The following PTPRG variants were observed in gnomAD, a reference collection of about 807,000 sequenced individuals.
PTPRG encodes the protein protein tyrosine phosphatase receptor type G.
PTPRG carries 102 observed loss-of-function variants against 165.3 expected under a neutral mutation model. That is an observed-to-expected ratio of 0.62 (90% confidence interval 0.53 to 0.73). The LOEUF is 0.73. Among genes scored for constraint, PTPRG ranks in the 30% least tolerant of loss-of-function variants. The pLI is 0.00. For synonymous variants in PTPRG, 675 were observed against 669.5 expected (o/e 1.01, Z -0.13); for missense variants, 1,866 against 1,861.4 (o/e 1.00, Z -0.05).
At chr3:62,020,845 G>T (rs1050934061) in intron 4 of PTPRG, among the ~76,000 whole-genome samples, 15 of 145,614 alleles carry the variant, frequency 1.0e-4, no homozygotes, top group South Asian at 8.7e-4. Context: ...GGTTTTTTTT[G>T]TTTTTTTTTT....
intron 2 of PTPRG, among the ~76,000 whole-genome samples, chr3:61,874,563 G>A (rs1000266761): frequency 1.3e-5 from 2 of 150,548 alleles, no homozygotes; most frequent in East Asian, 2.0e-4. Context: ...CTTTAAATTC[G>A]TAGAAATTGA....
intron 27 of PTPRG, among the ~76,000 whole-genome samples, chr3:62,282,394 T>A (rs1171628441): frequency 6.6e-6 from 1 of 151,738 alleles, no homozygotes; most frequent in Non-Finnish European, 1.5e-5. Context: ...AGTTAATTTT[T>A]TTTTTTTTTT....
chr3:62,238,897 G>T (rs576816861), intron 14 of PTPRG, among the ~76,000 whole-genome samples: 5 of 152,256 alleles, frequency 3.3e-5, no homozygotes, highest in Admixed American at 3.3e-4. Flanking sequence ...ACAATAGGGG[G>T]AAGTAGAAGA....
chr3:62,049,693 A>G (rs9819043), intron 4 of PTPRG, among the ~76,000 whole-genome samples: 72,838 of 152,018 alleles, frequency 0.48, 18,332 homozygotes, highest in Non-Finnish European at 0.55. Flanking sequence ...AAACTTAGAC[A>G]TGTATAATAT....
intron 5 of PTPRG, chr3:62,124,752 G>A: frequency 2.0e-6 from 1 of 499,220 alleles, no homozygotes; most frequent in Non-Finnish European, 3.6e-6. Context: ...CTTTTCTAGA[G>A]ATGTTGTGTT....
intron 1 of PTPRG, among the ~76,000 whole-genome samples, chr3:61,613,274 T>A (rs1188033121): frequency 2.0e-5 from 3 of 152,208 alleles, no homozygotes; most frequent in Non-Finnish European, 4.4e-5. Flanking sequence ...ATGTTTTTTT[T>A]AAAGGCATAG....
intron 10 of PTPRG, among the ~76,000 whole-genome samples, chr3:62,200,055 T>C (rs905409953): frequency 6.6e-5 from 10 of 152,112 alleles, no homozygotes; most frequent in Middle Eastern, 3.2e-3. Context: ...GCAGTCAGAT[T>C]CATAGAGAAA....
chr3:61,643,529 C>G (rs1702120573), intron 1 of PTPRG, among the ~76,000 whole-genome samples: 1 of 152,094 alleles, frequency 6.6e-6, no homozygotes, highest in African/African-American at 2.4e-5. Flanking sequence ...CCTGTAATGC[C>G]AGCACTTTGG....
intron 2 of PTPRG, among the ~76,000 whole-genome samples, chr3:61,931,173 G>T (rs773084358): frequency 2.0e-5 from 3 of 152,166 alleles, no homozygotes; most frequent in Non-Finnish European, 2.9e-5. Context: ...TGCTTCTGCA[G>T]CACTCACTGC....
At chr3:62,186,567 C>CTTTTTTTTTTTTTTTTTTTTTTTTT (rs35133425) in intron 8 of PTPRG, among the ~76,000 whole-genome samples, 2 of 117,542 alleles carry the variant, frequency 1.7e-5, no homozygotes, top group African/African-American at 7.0e-5. Flanking sequence ...TTTTCTTTTC[C>CTTTTTTTTTTTTTTTTTTTTTTTTT]TTTTTTTTTT....
At chr3:61,854,548 A>G (rs1007522104) in intron 2 of PTPRG, among the ~76,000 whole-genome samples, 3 of 152,190 alleles carry the variant, frequency 2.0e-5, no homozygotes, top group African/African-American at 4.8e-5. Flanking sequence ...GGACATATGA[A>G]TACATGCTTT....
intron 2 of PTPRG, among the ~76,000 whole-genome samples, chr3:61,768,083 A>T (rs1167216622): frequency 6.6e-6 from 1 of 152,174 alleles, no homozygotes; most frequent in Non-Finnish European, 1.5e-5. Flanking sequence ...AGATATATTA[A>T]TTGATTTTAG....
intron 1 of PTPRG, among the ~76,000 whole-genome samples, chr3:61,625,346 G>C (rs1355473251): frequency 1.3e-5 from 2 of 152,004 alleles, no homozygotes; most frequent in Admixed American, 1.3e-4. Flanking sequence ...ACTTCTTCAT[G>C]AAAAATTGCT....
intron 1 of PTPRG, among the ~76,000 whole-genome samples, chr3:61,684,584 G>T (rs910630125): frequency 6.6e-6 from 1 of 152,132 alleles, no homozygotes; most frequent in Admixed American, 6.5e-5. Context: ...TTGTTACTGT[G>T]GGAAGTCGGG....
intron 1 of PTPRG, among the ~76,000 whole-genome samples, chr3:61,707,791 T>G (rs1044276382): frequency 2.6e-5 from 4 of 152,148 alleles, no homozygotes; most frequent in African/African-American, 9.7e-5. Flanking sequence ...TTAATGCCTA[T>G]TTTATTATTA....
In PTPRG at chr3:61,873,169, A is replaced by G. The variant is rs952793830; in HGVS notation, c.191-116456A>G. On this transcript the variant is annotated intron_variant, in intron 2 of 29. Coordinates refer to ENST00000474889, the MANE Select transcript of PTPRG (RefSeq NM_002841.4). ...TTGTAATTTAGAGAAATTTTGATAC[A>G]TGTAACCTGGGTGACATGTACAAGA... Among the ~76,000 whole-genome samples the G allele has an allele frequency of 4.6e-5, 7 of 152,330 alleles. No individual in the cohort carries two copies. The East Asian group carries it at 1.2e-3, about 25-fold the overall frequency.
chr3:61,871,340 G>C (rs2037577027), intron 2 of PTPRG, among the ~76,000 whole-genome samples: 1 of 152,064 alleles, frequency 6.6e-6, no homozygotes, highest in Non-Finnish European at 1.5e-5. Context: ...TGTTCATTCT[G>C]CCTCAGCCTC....
chr3:61,698,038 A>C (rs1366687725), intron 1 of PTPRG, among the ~76,000 whole-genome samples: 2 of 152,150 alleles, frequency 1.3e-5, no homozygotes, highest in African/African-American at 4.8e-5. Flanking sequence ...TTCATTCTTC[A>C]TCAAACATAG....
rs142191522 is a variant in PTPRG, at chr3:62,273,780, G to C, written c.3401G>C (p.Ser1134Thr). The C allele has an allele frequency of 6.2e-7, 1 of 1,613,768 alleles. No individual in the cohort carries two copies. The highest frequency in any genetic ancestry group is 1.1e-5 in the South Asian group (1 of 91,070). ...ETEVSSNQLH[S>T]YVNSILIPGV... Reference sequence around the variant, plus strand: ...GAAGTATCTTCAAATCAGCTGCACAGCTATGTTAACAGCATCCTTATACCA... The same window carrying C: ...GAAGTATCTTCAAATCAGCTGCACACCTATGTTAACAGCATCCTTATACCA... Residue 1134 changes from serine (S) to threonine (T), a missense_variant, in exon 23 of 30, where the codon AGC becomes ACC. Physicochemically the swap from Ser to Thr is moderately conservative, Grantham distance 58. Transcript: ENST00000474889. This position sits in a 1 kb window ranked among gnomAD's most constrained non-coding sequence, Gnocchi z 4.1.
Sources: allele counts gnomAD v4.1 joint callset (sites outside exome capture counted in the v4.1 genomes callset), GRCh38; gene constraint gnomAD v4.1.1; non-coding constraint Gnocchi (gnomAD v3.1); transcripts MANE v1.5; gene names NCBI Gene and HGNC (gene_info 2026-07-23, HGNC 2026-07-21).